The following PAFAH1B1 variants were observed in gnomAD, a reference collection of about 807,000 sequenced individuals.
PAFAH1B1 encodes the protein platelet-activating factor acetylhydrolase IB subunit beta.
Under a neutral mutation model 57.5 loss-of-function variants are expected in PAFAH1B1, and 2 were observed. That is an observed-to-expected ratio of 0.03 (90% CI 0.01 to 0.11). The LOEUF (loss-of-function observed/expected upper bound fraction) is 0.11, where lower values mean the gene tolerates loss of function less well. Ranked by LOEUF, PAFAH1B1 falls within the 10% of genes least tolerant of loss-of-function variation. The probability of loss-of-function intolerance (pLI) is 1.00; values close to 1 mark genes in which losing one functional copy is unlikely to be tolerated. For missense variants in PAFAH1B1, 257 were observed against 512.0 expected (o/e 0.50, Z 4.81); for synonymous variants, 152 against 169.6 (o/e 0.90, Z 0.81).
intron 1 of PAFAH1B1, among the ~76,000 whole-genome samples, chr17:2,621,019 C>T (rs1477290757): frequency 6.6e-6 from 1 of 151,702 alleles, no homozygotes; most frequent in African/African-American, 2.4e-5. Context: ...AATAAAATGG[C>T]AAAAATTGTT....
intron 2 of PAFAH1B1, 57 bp downstream of exon 2, chr17:2,638,377 T>A: frequency 7.3e-7 from 1 of 1,373,646 alleles, no homozygotes; most frequent in Non-Finnish European, 1.0e-6. Flanking sequence ...GAGAAAGTAG[T>A]AAATTAAAAT....
At position 2,618,053 on chromosome 17, in the gene PAFAH1B1, C is replaced by G. The variant is rs1291431855; in HGVS notation, c.-190-20046C>G. ...CACGAGGTCATGAGCTCGAGAGCAG[C>G]CTGCCCAACATGGTGAAATCTTGCC... On this transcript the variant is annotated intron_variant, in intron 1 of 10. Transcript: ENST00000397195. 2.6e-5 allele frequency among the ~76,000 whole-genome samples: 4 copies of G among 151,996 alleles called. No homozygotes were observed. In the East Asian group the frequency reaches 7.7e-4, roughly 29 times the overall value.
intron 1 of PAFAH1B1, among the ~76,000 whole-genome samples, chr17:2,610,300 G>T (rs954159374): frequency 6.6e-6 from 1 of 152,060 alleles, no homozygotes. Context: ...AAAGTAAGGA[G>T]AAAGAAGAAA....
intron 2 of PAFAH1B1, among the ~76,000 whole-genome samples, chr17:2,658,880 A>G (rs1027248903): frequency 2.6e-5 from 4 of 152,200 alleles, no homozygotes; most frequent in Non-Finnish European, 5.9e-5. Flanking sequence ...TTGGAGAAGT[A>G]TAAGACCTAT....
At chr17:2,624,508 C>T (rs1453325023) in intron 1 of PAFAH1B1, among the ~76,000 whole-genome samples, 1 of 152,146 alleles carries the variant, frequency 6.6e-6, no homozygotes, top group Non-Finnish European at 1.5e-5. Context: ...GTGAAAGGCA[C>T]TTCTTACATG....
At chr17:2,670,758 G>A (rs1208946472) in intron 6 of PAFAH1B1, among the ~76,000 whole-genome samples, 6 of 152,152 alleles carry the variant, frequency 3.9e-5, no homozygotes, top group African/African-American at 9.7e-5. Flanking sequence ...ATTATTTCCC[G>A]GGTCTTGTTG....
At chr17:2,637,905 T>A (rs2068644031) in intron 1 of PAFAH1B1, among the ~76,000 whole-genome samples, 194 bp from the exon 2 acceptor site, 1 of 152,208 alleles carries the variant, frequency 6.6e-6, no homozygotes, top group Non-Finnish European at 1.5e-5. Flanking sequence ...TTTGGCTCAT[T>A]GAATTATTAA....
intron 2 of PAFAH1B1, among the ~76,000 whole-genome samples, chr17:2,652,203 G>T (rs1259325926): frequency 6.6e-6 from 1 of 152,032 alleles, no homozygotes; most frequent in East Asian, 1.9e-4. Flanking sequence ...GAGGTCAGGA[G>T]ATCGAGACCA....
At chr17:2,603,521 T>C (rs1445447202) in intron 1 of PAFAH1B1, among the ~76,000 whole-genome samples, 1 of 151,942 alleles carries the variant, frequency 6.6e-6, no homozygotes, top group Non-Finnish European at 1.5e-5. Flanking sequence ...CTTGGGAGGC[T>C]GAGGCAGGAG....
intron 2 of PAFAH1B1, among the ~76,000 whole-genome samples, chr17:2,664,776 A>G (rs1164652452): frequency 1.3e-5 from 2 of 152,036 alleles, no homozygotes; most frequent in African/African-American, 4.8e-5. Context: ...GAAGGCAAAC[A>G]TGAAAAGGCT....
rs147795794 is a variant in PAFAH1B1 at position 2,645,855 on chromosome 17, G to C, written c.32+7535G>C. The stretch of plus-strand genomic sequence containing the variant: ...TCCTGACCTCGTGATCCACCCGCCT[G>C]GACCTCCCAAAGTGCTAGGATTACA... On this transcript the variant is annotated intron_variant, in intron 2 of 10. Transcript: ENST00000397195. Among the ~76,000 whole-genome samples, 4 of 150,578 alleles carry C rather than the reference G, an allele frequency of 2.7e-5. No homozygotes were observed. The East Asian group carries it at 7.9e-4, about 30-fold the overall frequency.
intron 1 of PAFAH1B1, among the ~76,000 whole-genome samples, chr17:2,623,667 G>A (rs931507446): frequency 6.1e-5 from 9 of 146,598 alleles, no homozygotes; most frequent in South Asian, 4.3e-4. Context: ...TTGCTCTGTC[G>A]CCCAGGCTGG....
At chr17:2,609,386 C>A (rs1019999983) in intron 1 of PAFAH1B1, among the ~76,000 whole-genome samples, 6 of 152,058 alleles carry the variant, frequency 3.9e-5, no homozygotes, top group African/African-American at 7.2e-5. Flanking sequence ...TGTTTATTAT[C>A]GCCCTTGTAT....
chr17:2,620,386 C>T (rs916507256), intron 1 of PAFAH1B1, among the ~76,000 whole-genome samples: 2 of 152,126 alleles, frequency 1.3e-5, no homozygotes, highest in Non-Finnish European at 2.9e-5. Flanking sequence ...TAACTTAACT[C>T]AGTATCTTAT....
chr17:2,647,920 G>C (rs1176231360), intron 2 of PAFAH1B1, among the ~76,000 whole-genome samples: 1 of 151,764 alleles, frequency 6.6e-6, no homozygotes, highest in Non-Finnish European at 1.5e-5. Context: ...AGGAGAATGG[G>C]GTGAACCCGG....
chr17:2,657,702 C>T (rs2068955552), intron 2 of PAFAH1B1, among the ~76,000 whole-genome samples: 1 of 152,188 alleles, frequency 6.6e-6, no homozygotes, highest in Admixed American at 6.5e-5. Flanking sequence ...TTCTTCCATT[C>T]AGTCTCATTT....
chr17:2,621,950 A>G (rs972875661), intron 1 of PAFAH1B1, among the ~76,000 whole-genome samples: 20 of 147,612 alleles, frequency 1.4e-4, no homozygotes, highest in African/African-American at 5.4e-4. Flanking sequence ...AAAGGCACCT[A>G]TTACATTGTG....
chr17:2,651,705 G>T (rs757674910), intron 2 of PAFAH1B1, among the ~76,000 whole-genome samples: 1 of 151,930 alleles, frequency 6.6e-6, no homozygotes, highest in Non-Finnish European at 1.5e-5. Context: ...AGTGTTTTCC[G>T]TAGTAATTTT....
intron 1 of PAFAH1B1, among the ~76,000 whole-genome samples, chr17:2,594,355 C>T (rs1457922034): frequency 6.6e-6 from 1 of 152,212 alleles, no homozygotes; most frequent in African/African-American, 2.4e-5. Context: ...GGTGACTTAG[C>T]AAGAAAAGTA....
Sources: allele counts gnomAD v4.1 joint callset (sites outside exome capture counted in the v4.1 genomes callset), GRCh38; gene constraint gnomAD v4.1.1; transcripts MANE v1.5; gene names NCBI Gene and HGNC (gene_info 2026-07-23, HGNC 2026-07-21).